Variants in PIP5K1B observed in about 807,000 individuals in gnomAD.
The protein encoded by PIP5K1B is phosphatidylinositol 4-phosphate 5-kinase type-1 beta.
Under a neutral mutation model 67.0 loss-of-function variants are expected in PIP5K1B, and 42 were observed. That is an observed-to-expected ratio of 0.63 (90% CI 0.49 to 0.81). PIP5K1B has a LOEUF of 0.81. Ranked by LOEUF, PIP5K1B falls within the 30% of genes least tolerant of loss-of-function variation. PIP5K1B has a pLI of 0.00. For missense variants in PIP5K1B, 459 were observed against 646.3 expected (o/e 0.71, Z 3.14); for synonymous variants, 214 against 231.4 (o/e 0.92, Z 0.68).
chr9:68,964,763 G>T (rs1421890036), intron 14 of PIP5K1B, among the ~76,000 whole-genome samples: 1 of 152,260 alleles, frequency 6.6e-6, no homozygotes, highest in Non-Finnish European at 1.5e-5. Flanking sequence ...AGAGGGGAGA[G>T]AAATAGCACA....
At position 68,991,980 on chromosome 9, in the gene PIP5K1B, G is replaced by T. The variant is rs569366638; in HGVS notation, c.1620+723G>T. On this transcript the variant is annotated intron_variant, in intron 15 of 15. Coordinates refer to ENST00000265382, the MANE Select transcript of PIP5K1B (RefSeq NM_003558.4). Reference sequence around the variant, plus strand: ...CTGCACAAAAAAAAATTTTTTTTGGGGGGGGGCAGAGTTTTGCTCTTGTTG... The same window carrying T: ...CTGCACAAAAAAAAATTTTTTTTGGTGGGGGGCAGAGTTTTGCTCTTGTTG... Among the ~76,000 whole-genome samples the T allele has an allele frequency of 1.8e-4, 27 of 151,978 alleles. No individual in the cohort carries two copies. In the South Asian group the frequency reaches 2.5e-3, roughly 14 times the overall value.
intron 14 of PIP5K1B, among the ~76,000 whole-genome samples, chr9:68,961,186 C>T (rs1828720929): frequency 1.4e-5 from 2 of 147,906 alleles, no homozygotes; most frequent in East Asian, 2.0e-4. Context: ...GTCCGCAGTC[C>T]GGCCTGGGCG....
At chr9:68,717,079 C>T (rs1827669437) in intron 1 of PIP5K1B, among the ~76,000 whole-genome samples, 1 of 152,086 alleles carries the variant, frequency 6.6e-6, no homozygotes, top group African/African-American at 2.4e-5. Context: ...ACTGGGAGCT[C>T]CAAAGGGGAC....
intron 8 of PIP5K1B, among the ~76,000 whole-genome samples, chr9:68,915,515 G>A (rs140471928): frequency 6.6e-6 from 1 of 152,202 alleles, no homozygotes; most frequent in Admixed American, 6.5e-5. Context: ...GCTACTGTAT[G>A]GTGCAGTGAG....
chr9:68,757,907 AC>A (rs1022936441), intron 2 of PIP5K1B, among the ~76,000 whole-genome samples: 1 of 152,156 alleles, frequency 6.6e-6, no homozygotes, highest in Non-Finnish European at 1.5e-5. Flanking sequence ...CTATTTGAGG[AC>A]CCTGAAAAGT....
chr9:68,847,493 A>T, intron 4 of PIP5K1B, among the ~76,000 whole-genome samples: 1 of 128,310 alleles, frequency 7.8e-6, no homozygotes. Flanking sequence ...GCCAGAAGGG[A>T]TGGATGAGAG....
intron 2 of PIP5K1B, among the ~76,000 whole-genome samples, chr9:68,743,412 A>T (rs1829115904): frequency 1.3e-5 from 2 of 152,060 alleles, no homozygotes; most frequent in Non-Finnish European, 2.9e-5. Context: ...CTATGTGCCC[A>T]GTCTGGTTTC....
intron 14 of PIP5K1B, among the ~76,000 whole-genome samples, chr9:68,988,780 A>G (rs913913189): frequency 8.1e-6 from 1 of 123,982 alleles, no homozygotes; most frequent in South Asian, 2.6e-4. Flanking sequence ...CAGGAAAAAT[A>G]CAAGTGAACC....
At chr9:68,906,023 T>C (rs552932261) in intron 8 of PIP5K1B, among the ~76,000 whole-genome samples, 1 of 152,214 alleles carries the variant, frequency 6.6e-6, no homozygotes, top group Non-Finnish European at 1.5e-5. Flanking sequence ...CAATTTAGTG[T>C]TTTTTTAAAT....
intron 1 of PIP5K1B, among the ~76,000 whole-genome samples, chr9:68,731,788 A>G (rs958801042): frequency 6.6e-6 from 1 of 152,254 alleles, no homozygotes; most frequent in East Asian, 1.9e-4. Context: ...GCTGGTACAC[A>G]GGGCAAATGC....
Position 68,922,460 on chromosome 9 carries a change from C to CAAAAAAAAAGAAA in PIP5K1B, c.1117-841_1117-829dup, listed in dbSNP as rs71353092. On this transcript the variant is annotated intron_variant, in intron 11 of 15. Coordinates refer to ENST00000265382, the MANE Select transcript of PIP5K1B (RefSeq NM_003558.4). ...CTGGCGACAGAGCAAGACTCTGTCTCAAAAAAAAAGAAATTTCTCTATTGG... is the reference window on the plus strand; with the variant it reads ...CTGGCGACAGAGCAAGACTCTGTCTCAAAAAAAAAGAAAAAAAAAAAAGAAATTTCTCTATTGG... Among the ~76,000 whole-genome samples the CAAAAAAAAAGAAA allele has an allele frequency of 1.1e-3, 145 of 128,308 alleles. 2 individuals carry two copies. Among genetic ancestry groups the CAAAAAAAAAGAAA allele is most frequent in the East Asian group, 9.2e-3 (43 of 4,688 alleles). The allele number at this position is 128,308 out of a possible 152,430, so 84.2% of individuals were successfully genotyped here.
chr9:68,886,623 G>A (rs1400114424), intron 6 of PIP5K1B, among the ~76,000 whole-genome samples: 1 of 152,156 alleles, frequency 6.6e-6, no homozygotes, highest in Non-Finnish European at 1.5e-5. Flanking sequence ...GAACATCCAG[G>A]GCCAGGAAGC....
At chr9:68,992,923 C>T (rs1296053957) in intron 15 of PIP5K1B, among the ~76,000 whole-genome samples, 1 of 147,816 alleles carries the variant, frequency 6.8e-6, no homozygotes, top group East Asian at 2.0e-4. Flanking sequence ...CTTTGGGATG[C>T]CGAGGCAGGA....
chr9:68,780,152 C>T, intron 2 of PIP5K1B: 6 of 1,510,292 alleles, frequency 4.0e-6, no homozygotes, highest in Non-Finnish European at 4.4e-6. Flanking sequence ...TCCCCCGCCT[C>T]CCTGCCCCCG....
chr9:68,912,350 G>T (rs1825897914), intron 8 of PIP5K1B, among the ~76,000 whole-genome samples: 1 of 150,528 alleles, frequency 6.6e-6, no homozygotes, highest in African/African-American at 2.5e-5. Context: ...AGAAAAAACA[G>T]AGAGCTTTGG....
At chr9:68,945,080 T>C (rs1333560171) in intron 14 of PIP5K1B, among the ~76,000 whole-genome samples, 4 of 151,920 alleles carry the variant, frequency 2.6e-5, no homozygotes, top group African/African-American at 4.8e-5. Context: ...TTTTTTTTTT[T>C]GCTGCTTAAT....
intron 2 of PIP5K1B, among the ~76,000 whole-genome samples, chr9:68,749,900 G>A (rs1462307093): frequency 6.6e-6 from 1 of 152,230 alleles, no homozygotes; most frequent in Non-Finnish European, 1.5e-5. Context: ...CACCAAGGTA[G>A]AGTACAAATT....
At chr9:68,999,838 G>A (rs1422777172) in intron 15 of PIP5K1B, among the ~76,000 whole-genome samples, 1 of 152,244 alleles carries the variant, frequency 6.6e-6, no homozygotes, top group Non-Finnish European at 1.5e-5. Flanking sequence ...TCAAGGCGGG[G>A]AAGGAGTGAT....
chr9:68,822,383 G>A (rs1587505265), intron 3 of PIP5K1B: 1 of 414,578 alleles, frequency 2.4e-6, no homozygotes, highest in Non-Finnish European at 4.3e-6. Flanking sequence ...CTTTCTTAGA[G>A]CATATGGGAT....
Sources: allele counts gnomAD v4.1 joint callset (sites outside exome capture counted in the v4.1 genomes callset), GRCh38; gene constraint gnomAD v4.1.1; transcripts MANE v1.5; gene names NCBI Gene and HGNC (gene_info 2026-07-23, HGNC 2026-07-21).